The following PRKCA variants were observed in gnomAD, a reference collection of about 807,000 sequenced individuals.
PRKCA encodes the protein protein kinase C alpha type.
In PRKCA, 27 loss-of-function variants were observed where a neutral mutation model predicts 87.0. The ratio of observed to expected loss-of-function variants is 0.31; its 90% CI spans 0.23 to 0.43. PRKCA has a LOEUF of 0.43. Among genes scored for constraint, PRKCA ranks in the 20% least tolerant of loss-of-function variants. The pLI, the probability that PRKCA is intolerant of heterozygous loss-of-function variation, is 1.00. For missense variants in PRKCA, 518 were observed against 852.3 expected (o/e 0.61, Z 4.88); for synonymous variants, 329 against 311.1 (o/e 1.06, Z -0.61).
At chr17:66,334,370 G>A (rs1001070630) in intron 2 of PRKCA, among the ~76,000 whole-genome samples, 3 of 152,148 alleles carry the variant, frequency 2.0e-5, no homozygotes, top group Non-Finnish European at 2.9e-5. Flanking sequence ...TTTTAAGTGT[G>A]TGTGTGCTTA....
intron 14 of PRKCA, 24 bp downstream of exon 14, chr17:66,774,091 G>A (rs759236512): frequency 4.3e-6 from 7 of 1,613,886 alleles, no homozygotes; most frequent in Non-Finnish European, 5.1e-6. Context: ...ACATTTTCAT[G>A]TTTGTTTATT....
chr17:66,780,972 G>A (rs1014889307), intron 14 of PRKCA, among the ~76,000 whole-genome samples: 3 of 152,024 alleles, frequency 2.0e-5, no homozygotes, highest in Non-Finnish European at 4.4e-5. Flanking sequence ...AGCCAGGCGT[G>A]GTGACGTGCA....
At chr17:66,311,572 G>A (rs370711633) in intron 2 of PRKCA, among the ~76,000 whole-genome samples, 45 of 152,282 alleles carry the variant, frequency 3.0e-4, no homozygotes, top group African/African-American at 9.6e-4. Context: ...AGGTGTGATC[G>A]TGCCACTGCA....
At chr17:66,769,372 A>T (rs1436501389) in intron 13 of PRKCA, among the ~76,000 whole-genome samples, 4 of 150,824 alleles carry the variant, frequency 2.7e-5, no homozygotes, top group Non-Finnish European at 4.4e-5. Context: ...AAAAAAAAAT[A>T]GTATTGCCAA....
chr17:66,496,316 A>C (rs112714558), intron 3 of PRKCA, 33 bp downstream of exon 3: 1 of 1,566,176 alleles, frequency 6.4e-7, no homozygotes, highest in South Asian at 1.1e-5. Flanking sequence ...TTTGATGTCA[A>C]TGTGGATTTC....
At position 66,810,655 on chromosome 17, in the gene PRKCA, C is replaced by T. The variant is rs190137095; in HGVS notation, c.*6618C>T. 1 of 152,144 alleles carries T rather than the reference C, an allele frequency of 6.6e-6. No individual in the cohort carries two copies. Among genetic ancestry groups the T allele is most frequent in the Admixed American group, 6.5e-5 (1 of 15,272 alleles). The allele number at this position is 152,144 out of a possible 1,614,324, so 9.4% of individuals were successfully genotyped here. ...TGCTTTTTTTTTCAGTTTGTATAAC[C>T]TCTAATCTCCGTTTGCATGATACGC... is the stretch of plus-strand genomic sequence containing the variant. On this transcript the variant is annotated 3_prime_UTR_variant, in exon 17 of 17. Transcript: ENST00000413366.
chr17:66,492,382 T>A (rs1916285362), intron 2 of PRKCA, among the ~76,000 whole-genome samples: 1 of 152,240 alleles, frequency 6.6e-6, no homozygotes, highest in Non-Finnish European at 1.5e-5. Flanking sequence ...CAGCTGTAGA[T>A]ACATAATTGC....
chr17:66,547,914 A>G (rs1387389421), intron 3 of PRKCA, among the ~76,000 whole-genome samples: 2 of 152,250 alleles, frequency 1.3e-5, no homozygotes, highest in Non-Finnish European at 2.9e-5. Context: ...AATTTTGACC[A>G]GAAACATTGG....
chr17:66,388,644 G>GT (rs1910197037), intron 2 of PRKCA, among the ~76,000 whole-genome samples: 1 of 152,158 alleles, frequency 6.6e-6, no homozygotes, highest in Non-Finnish European at 1.5e-5. Context: ...TTGGGGAAAA[G>GT]TATGGGCCTC....
intron 3 of PRKCA, among the ~76,000 whole-genome samples, chr17:66,522,511 C>CTGTT: frequency 1.3e-5 from 2 of 152,154 alleles, no homozygotes; most frequent in South Asian, 4.2e-4. Context: ...ATGGAAGCTC[C>CTGTT]TGTTTGTGAT....
At chr17:66,785,981 A>C (rs1454985295) in intron 14 of PRKCA, among the ~76,000 whole-genome samples, 1 of 152,190 alleles carries the variant, frequency 6.6e-6, no homozygotes, top group African/African-American at 2.4e-5. Context: ...GGCGCTCGCC[A>C]CCATGCCCGG....
intron 13 of PRKCA, among the ~76,000 whole-genome samples, chr17:66,751,122 G>C (rs186821626): frequency 6.6e-6 from 1 of 152,160 alleles, no homozygotes; most frequent in East Asian, 1.9e-4. Flanking sequence ...AGCTTATTTC[G>C]CCTCTTTCTT....
At chr17:66,596,617 A>G (rs955349637) in intron 3 of PRKCA, among the ~76,000 whole-genome samples, 2 of 117,588 alleles carry the variant, frequency 1.7e-5, no homozygotes, top group African/African-American at 7.1e-5. Context: ...TTTAGGGTAC[A>G]TGTGCACATT....
chr17:66,602,530 T>C (rs1970075638), intron 3 of PRKCA, among the ~76,000 whole-genome samples: 4 of 151,722 alleles, frequency 2.6e-5, no homozygotes, highest in South Asian at 2.1e-4. Flanking sequence ...ACCCGTCTTC[T>C]GCGTCGCTCA....
intron 2 of PRKCA, among the ~76,000 whole-genome samples, chr17:66,354,955 A>G (rs1907963984): frequency 6.6e-6 from 1 of 152,204 alleles, no homozygotes; most frequent in African/African-American, 2.4e-5. Context: ...CAGCATCCTA[A>G]CAAGGTATTT....
At chr17:66,526,364 G>A (rs780307897) in intron 3 of PRKCA, among the ~76,000 whole-genome samples, 4 of 152,122 alleles carry the variant, frequency 2.6e-5, no homozygotes, top group Admixed American at 2.0e-4. Flanking sequence ...TCATGTTATC[G>A]CTTCCAGTCA....
At chr17:66,506,652 CATT>C (rs1916995435) in intron 3 of PRKCA, among the ~76,000 whole-genome samples, 1 of 152,286 alleles carries the variant, frequency 6.6e-6, no homozygotes, top group South Asian at 2.1e-4. Flanking sequence ...TCATCAGCAT[CATT>C]ATTACGGCTG....
chr17:66,342,189 C>T (rs1433894878), intron 2 of PRKCA, among the ~76,000 whole-genome samples: 8 of 151,974 alleles, frequency 5.3e-5, no homozygotes, highest in South Asian at 2.1e-4. Flanking sequence ...TTTGGGAGGC[C>T]GAGGCAGGCA....
intron 2 of PRKCA, among the ~76,000 whole-genome samples, chr17:66,425,662 C>T (rs181832610): frequency 7.2e-5 from 11 of 152,034 alleles, no homozygotes; most frequent in South Asian, 2.1e-4. Context: ...GCATGGAAAG[C>T]GATTTTAGCG....
Sources: gnomAD v4.1 joint callset for allele counts (sites outside exome capture counted in the v4.1 genomes callset) on GRCh38, gnomAD v4.1.1 for gene constraint, MANE v1.5 for transcripts, NCBI Gene and HGNC (gene_info 2026-07-23, HGNC 2026-07-21) for gene names.